Variants in STX18 observed in about 807,000 individuals in gnomAD.
STX18 encodes the protein syntaxin 18.
Under a neutral mutation model 50.1 loss-of-function variants are expected in STX18, and 40 were observed. The ratio of observed to expected loss-of-function variants is 0.80; its 90% CI spans 0.62 to 1.04. The LOEUF is 1.04. STX18 is among the 50% of genes least tolerant of loss of function. STX18 has a pLI of 0.00. For synonymous variants in STX18, 158 were observed against 151.8 expected (o/e 1.04, Z -0.30); for missense variants, 410 against 415.8 (o/e 0.99, Z 0.12).
At chr4:4,431,906 C>A (rs192223062) in intron 7 of STX18, among the ~76,000 whole-genome samples, 1 of 152,154 alleles carries the variant, frequency 6.6e-6, no homozygotes, top group Non-Finnish European at 1.5e-5. Flanking sequence ...GGAATCCCTG[C>A]GGCTGTCTTC....
At chr4:4,455,820 G>C (rs898207650) in intron 5 of STX18, among the ~76,000 whole-genome samples, 1 of 152,196 alleles carries the variant, frequency 6.6e-6, no homozygotes, top group Non-Finnish European at 1.5e-5. Flanking sequence ...CTCATGCCTG[G>C]TTTCCTCTGG....
chr4:4,531,828 T>C (rs1357294912), intron 1 of STX18, among the ~76,000 whole-genome samples: 3 of 152,220 alleles, frequency 2.0e-5, no homozygotes, highest in Non-Finnish European at 2.9e-5. Flanking sequence ...ACTAGAACAT[T>C]CAATTTTTTA....
In STX18 at chr4:4,503,667, A is replaced by T. The variant is rs547232594; in HGVS notation, c.169-31961T>A. Among the ~76,000 whole-genome samples the T allele has an allele frequency of 8.9e-4, 136 of 152,254 alleles. 3 individuals carry two copies. Among genetic ancestry groups the T allele is most frequent in the Non-Finnish European group, 2.1e-4 (14 of 68,014 alleles). Reference sequence around the variant, plus strand: ...GTTCCCCAAAAATTACTGAAATAAAAATTTTAAAAATATTTCCAAGCATAA... The same window carrying T: ...GTTCCCCAAAAATTACTGAAATAAATATTTTAAAAATATTTCCAAGCATAA... On this transcript the variant is annotated intron_variant, in intron 1 of 10. Coordinates refer to ENST00000306200, the MANE Select transcript of STX18 (RefSeq NM_016930.4).
At chr4:4,492,184 A>G (rs1014541274) in intron 1 of STX18, among the ~76,000 whole-genome samples, 6 of 152,108 alleles carry the variant, frequency 3.9e-5, no homozygotes, top group Non-Finnish European at 8.8e-5. Context: ...CCTAGTAACC[A>G]TAGAAATTAA....
intron 1 of STX18, among the ~76,000 whole-genome samples, chr4:4,521,077 C>G (rs924652903): frequency 1.3e-5 from 2 of 152,154 alleles, no homozygotes; most frequent in East Asian, 3.8e-4. Flanking sequence ...TAACCCACCC[C>G]TCCAACCCAC....
chr4:4,535,664 T>C (rs1451952573), intron 1 of STX18, among the ~76,000 whole-genome samples: 1 of 152,212 alleles, frequency 6.6e-6, no homozygotes, highest in Non-Finnish European at 1.5e-5. Context: ...AAAAGGTTCC[T>C]GCCATATTTA....
chr4:4,459,808 G>A (rs1337400846), intron 2 of STX18, among the ~76,000 whole-genome samples: 1 of 152,190 alleles, frequency 6.6e-6, no homozygotes, highest in African/African-American at 2.4e-5. Flanking sequence ...CTCTGCTTTT[G>A]AGAACAATGG....
chr4:4,461,798 C>T (rs905671641), intron 2 of STX18: 20 of 450,546 alleles, frequency 4.4e-5, no homozygotes, highest in Admixed American at 3.8e-4. Flanking sequence ...ACCAACTTCC[C>T]CAAATGACAC....
chr4:4,474,179 T>C (rs148555632), intron 1 of STX18, among the ~76,000 whole-genome samples: 1 of 152,264 alleles, frequency 6.6e-6, no homozygotes, highest in Non-Finnish European at 1.5e-5. Context: ...CCAGCTGCAG[T>C]CAGATCCCAT....
rs78009751 is a variant in STX18, at chr4:4,420,912, A to G, written c.864T>C (p.Val288=). ...CCTTGATATTTTCAGTTGCCCCCAC[A>G]ACTAACTGGTGAATGCTGTCAATCT... ...EAEIDSIHQL[V]VGATENIKEG... Residue 288 remains valine, a synonymous_variant, in exon 10 of 11, where the codon GTT becomes GTC. Coordinates refer to ENST00000306200, the MANE Select transcript of STX18 (RefSeq NM_016930.4). This position sits in a 1 kb window ranked among gnomAD's most constrained non-coding sequence, Gnocchi z 4.3. 6.7e-5 allele frequency: 108 copies of G among 1,614,160 alleles called. No individual in the cohort carries two copies. Among genetic ancestry groups the G allele is most frequent in the Non-Finnish European group, 8.8e-5 (104 of 1,180,024 alleles).
intron 1 of STX18, among the ~76,000 whole-genome samples, chr4:4,501,675 T>C (rs1240097224): frequency 6.6e-6 from 1 of 152,210 alleles, no homozygotes; most frequent in Non-Finnish European, 1.5e-5. Flanking sequence ...CCTATTCACT[T>C]AAAGCTGTTC....
chr4:4,514,849 T>C (rs1188247126), intron 1 of STX18, among the ~76,000 whole-genome samples: 2 of 151,696 alleles, frequency 1.3e-5, no homozygotes, highest in East Asian at 3.9e-4. Flanking sequence ...ATCCAAAGGG[T>C]CTCTCAAGTT....
intron 1 of STX18, among the ~76,000 whole-genome samples, chr4:4,495,131 C>T (rs756631538): frequency 6.1e-4 from 93 of 152,138 alleles, no homozygotes; most frequent in Non-Finnish European, 1.1e-3. Context: ...TCCAAACTTA[C>T]TTAACCTGTC....
chr4:4,449,828 T>C (rs761523034), intron 5 of STX18, among the ~76,000 whole-genome samples: 4 of 152,380 alleles, frequency 2.6e-5, no homozygotes, highest in African/African-American at 7.2e-5. Context: ...TCCTATCTCA[T>C]TGAATGTGTT....
chr4:4,497,971 T>C (rs532783198), intron 1 of STX18, among the ~76,000 whole-genome samples: 1 of 152,338 alleles, frequency 6.6e-6, no homozygotes, highest in Admixed American at 6.5e-5. Context: ...GGTGCCTCCG[T>C]CTAAGGTCTA....
intron 1 of STX18, among the ~76,000 whole-genome samples, chr4:4,517,799 T>G (rs940244838): frequency 6.6e-6 from 1 of 151,318 alleles, no homozygotes; most frequent in Non-Finnish European, 1.5e-5. Context: ...TTTTTTGAGA[T>G]GGAGTCTCGC....
chr4:4,528,971 C>A lies in STX18; in HGVS notation c.168+12826G>T, dbSNP rs573453266. Among the ~76,000 whole-genome samples, 13 of 152,258 alleles carry A rather than the reference C, an allele frequency of 8.5e-5. No homozygotes were observed. The South Asian group carries it at 1.2e-3, about 15-fold the overall frequency. On this transcript the variant is annotated intron_variant, in intron 1 of 10. Coordinates refer to ENST00000306200, the MANE Select transcript of STX18 (RefSeq NM_016930.4). ...AATTTTTTTTCAAATGTCTATAATC[C>A]ATAAATTGGGTCTCCTTCCCTCTCA...
chr4:4,518,465 G>A (rs1560206331), intron 1 of STX18, among the ~76,000 whole-genome samples: 1 of 152,140 alleles, frequency 6.6e-6, no homozygotes, highest in East Asian at 1.9e-4. Context: ...AGTGCAACAA[G>A]CCAATCTAAA....
Position 4,520,422 on chromosome 4 carries a change from A to G in STX18, c.168+21375T>C, listed in dbSNP as rs562464268. Among the ~76,000 whole-genome samples, 82 of 152,358 alleles carry G rather than the reference A, an allele frequency of 5.4e-4. No individual in the cohort carries two copies. In the Middle Eastern group the frequency reaches 0.017, roughly 32 times the overall value. On this transcript the variant is annotated intron_variant, in intron 1 of 10. Coordinates refer to ENST00000306200, the MANE Select transcript of STX18 (RefSeq NM_016930.4). ...CAGTGAGCTAGAGAACAAAAGTTGA[A>G]GACATGAAATGTGAACTCATCAAAT...
Sources: allele counts gnomAD v4.1 joint callset (sites outside exome capture counted in the v4.1 genomes callset), GRCh38; gene constraint gnomAD v4.1.1; non-coding constraint Gnocchi (gnomAD v3.1); transcripts MANE v1.5; gene names NCBI Gene and HGNC (gene_info 2026-07-23, HGNC 2026-07-21).